The following TRIP12 variants were observed in gnomAD, a reference collection of about 807,000 sequenced individuals.
The protein encoded by TRIP12 is E3 ubiquitin-protein ligase TRIP12.
TRIP12 carries 25 observed loss-of-function variants against 244.2 expected under a neutral mutation model. The ratio of observed to expected loss-of-function variants is 0.10; its 90% CI spans 0.07 to 0.14. TRIP12 has a LOEUF of 0.14. Among genes scored for constraint, TRIP12 ranks in the 10% least tolerant of loss-of-function variants. TRIP12 has a pLI of 1.00. For missense variants in TRIP12, 1,677 were observed against 2,486.4 expected (o/e 0.67, Z 6.92); for synonymous variants, 905 against 873.1 (o/e 1.04, Z -0.64).
At chr2:229,825,629 G>A (rs1475403896) in intron 8 of TRIP12, among the ~76,000 whole-genome samples, 1 of 152,162 alleles carries the variant, frequency 6.6e-6, no homozygotes, top group Non-Finnish European at 1.5e-5. Context: ...CGGATCTAGT[G>A]AGAACTCACT....
intron 8 of TRIP12, among the ~76,000 whole-genome samples, chr2:229,827,049 G>A (rs2051848803): frequency 6.6e-6 from 1 of 152,086 alleles, no homozygotes. Context: ...GGGAGGCTGA[G>A]GCAGGCAGAT....
In TRIP12 at chr2:229,918,264, T is replaced by C. The variant is rs1284922469; in HGVS notation, c.-50+3616A>G. 2.6e-5 allele frequency among the ~76,000 whole-genome samples: 4 copies of C among 152,346 alleles called. No homozygotes were observed. The East Asian group carries it at 5.8e-4, about 22-fold the overall frequency. On this transcript the variant is annotated intron_variant, in intron 1 of 41. Coordinates refer to ENST00000675903, the MANE Select transcript of TRIP12 (RefSeq NM_001348323.3). ...TTGATTTAAATGAGGGAAAAGTCCA[T>C]GTCAAACAGGCAATTGCAAGGAATG...
Position 229,870,442 on chromosome 2 carries a change from G to A in TRIP12, c.98+9540C>T, listed in dbSNP as rs1369552042. Among the ~76,000 whole-genome samples the A allele has an allele frequency of 2.8e-4, 43 of 152,214 alleles. 1 individual carries two copies. Among genetic ancestry groups the A allele is most frequent in the Admixed American group, 2.8e-3 (43 of 15,278 alleles). ...CAGATGAACAGAGAGGAGGCAGCCAGACAGATACTGAGTCTGTAGTTCCCG... is the reference window on the plus strand; with the variant it reads ...CAGATGAACAGAGAGGAGGCAGCCAAACAGATACTGAGTCTGTAGTTCCCG... On this transcript the variant is annotated intron_variant, in intron 2 of 41. Coordinates refer to ENST00000675903, the MANE Select transcript of TRIP12 (RefSeq NM_001348323.3).
chr2:229,784,490 T>C (rs2039365320), intron 34 of TRIP12, among the ~76,000 whole-genome samples: 1 of 147,868 alleles, frequency 6.8e-6, no homozygotes, highest in Non-Finnish European at 1.5e-5. Flanking sequence ...AAAGATTTCT[T>C]AGGATGCAAA....
chr2:229,874,747 ATC>A (rs2063294352), intron 2 of TRIP12, among the ~76,000 whole-genome samples: 2 of 152,220 alleles, frequency 1.3e-5, no homozygotes, highest in Admixed American at 6.5e-5. Flanking sequence ...AACCATGGTT[ATC>A]TCTGAGTGGT....
intron 34 of TRIP12, among the ~76,000 whole-genome samples, chr2:229,784,260 A>G (rs2154252013): frequency 6.6e-6 from 1 of 151,824 alleles, no homozygotes; most frequent in Admixed American, 6.6e-5. Context: ...ACAATCAACC[A>G]GTTTCCCACA....
chr2:229,807,135 T>A (rs2046084709), intron 17 of TRIP12, among the ~76,000 whole-genome samples: 1 of 152,258 alleles, frequency 6.6e-6, no homozygotes, highest in African/African-American at 2.4e-5. Context: ...ATTATTCATA[T>A]GTTCACTTAT....
chr2:229,890,397 G>C (rs919118172), intron 1 of TRIP12, among the ~76,000 whole-genome samples: 1 of 152,114 alleles, frequency 6.6e-6, no homozygotes, highest in East Asian at 1.9e-4. Context: ...ACCACACCCA[G>C]CCTACAGAGG....
At chr2:229,840,321 G>T (rs1173184668) in intron 5 of TRIP12, among the ~76,000 whole-genome samples, 2 of 152,134 alleles carry the variant, frequency 1.3e-5, no homozygotes, top group Non-Finnish European at 1.5e-5. Flanking sequence ...GTAGAAACAT[G>T]TAAATAAATA....
At chr2:229,841,439 T>A (rs1324741538) in intron 4 of TRIP12, among the ~76,000 whole-genome samples, 1 of 152,200 alleles carries the variant, frequency 6.6e-6, no homozygotes, top group African/African-American at 2.4e-5. Flanking sequence ...GACTGATTTA[T>A]AAAATACTGG....
chr2:229,901,293 T>C (rs1020921585), intron 1 of TRIP12, among the ~76,000 whole-genome samples: 1 of 152,044 alleles, frequency 6.6e-6, no homozygotes, highest in South Asian at 2.1e-4. Context: ...CCTTCAAAAG[T>C]ATTACATAAT....
At chr2:229,872,775 T>A (rs371011546) in intron 2 of TRIP12, among the ~76,000 whole-genome samples, 1 of 152,194 alleles carries the variant, frequency 6.6e-6, no homozygotes, top group South Asian at 2.1e-4. Flanking sequence ...AGTATCCCTA[T>A]AAACTTACAG....
intron 2 of TRIP12, among the ~76,000 whole-genome samples, chr2:229,878,776 G>A (rs573458006): frequency 6.6e-6 from 1 of 151,818 alleles, no homozygotes; most frequent in South Asian, 2.1e-4. Context: ...TAGAGACGGG[G>A]TTTCACCATG....
In TRIP12 at chr2:229,895,039, T is replaced by C. The variant is rs557010511; in HGVS notation, c.-49-14911A>G. On this transcript the variant is annotated intron_variant, in intron 1 of 41. Transcript: ENST00000675903. ...TAACACTCAAGTAAACAAGGCATCA[T>C]GAATAAAAACCTGCAAAAAGACACA... is the stretch of plus-strand genomic sequence containing the variant. 1.4e-4 allele frequency among the ~76,000 whole-genome samples: 21 copies of C among 152,172 alleles called. No homozygotes were observed. In the South Asian group the frequency reaches 4.1e-3, roughly 30 times the overall value.
At chr2:229,774,031 A>G in intron 38 of TRIP12, 66 bp downstream of exon 38, 2 of 1,535,560 alleles carry the variant, frequency 1.3e-6, no homozygotes, top group Non-Finnish European at 1.8e-6. Context: ...GCCAGAAGCA[A>G]GGTACAATCA....
At position 229,805,748 on chromosome 2, in the gene TRIP12, A is replaced by G; in HGVS notation, c.2632T>C (p.Leu878=). The G allele has an allele frequency of 6.3e-7, 1 of 1,599,124 alleles. No homozygotes were observed. The highest frequency in any genetic ancestry group is 1.3e-5 in the African/African-American group (1 of 74,868). Residue 878 remains leucine, a synonymous_variant, in exon 18 of 42, where the codon TTA becomes CTA. Coordinates refer to ENST00000675903, the MANE Select transcript of TRIP12 (RefSeq NM_001348323.3). ...ARAIQRKPNP[L]ANSNTSGYSE... is the part of the protein sequence containing the mutation. ...TACTTACTAGTGTTACTATTGGCTAACGGGTTAGGTTTTCTCTGAATGGCA... is the reference window on the plus strand; with the variant it reads ...TACTTACTAGTGTTACTATTGGCTAGCGGGTTAGGTTTTCTCTGAATGGCA...
intron 1 of TRIP12, among the ~76,000 whole-genome samples, chr2:229,904,416 C>CA (rs34224407): frequency 0.69 from 60,611 of 87,700 alleles, 19,684 homozygotes; most frequent in South Asian, 0.8. Context: ...ACTCCATCTC[C>CA]AAAAAAAAAA....
chr2:229,795,058 T>A lies in TRIP12; in HGVS notation c.3968+121A>T. On this transcript the variant is annotated intron_variant, in intron 26 of 41. Coordinates refer to ENST00000675903, the MANE Select transcript of TRIP12 (RefSeq NM_001348323.3). ...TCTTTAGAGTGCTTAATTTCTTTCATCATTACAGCTGAATGTTTTCTGGGC... is the reference window on the plus strand; with the variant it reads ...TCTTTAGAGTGCTTAATTTCTTTCAACATTACAGCTGAATGTTTTCTGGGC... 12 of 1,186,230 alleles carry A rather than the reference T, an allele frequency of 1.0e-5. No homozygotes were observed. The South Asian group carries it at 2.0e-4, about 20-fold the overall frequency. The allele number at this position is 1,186,230 out of a possible 1,614,324, so 73.5% of individuals were successfully genotyped here.
intron 2 of TRIP12, among the ~76,000 whole-genome samples, chr2:229,871,107 G>A (rs1398847425): frequency 6.7e-6 from 1 of 150,366 alleles, no homozygotes; most frequent in Admixed American, 6.6e-5. Context: ...CTGAGAGACA[G>A]AGGTTGCAGT....
Sources: allele counts gnomAD v4.1 joint callset (sites outside exome capture counted in the v4.1 genomes callset), GRCh38; gene constraint gnomAD v4.1.1; transcripts MANE v1.5; gene names NCBI Gene and HGNC (gene_info 2026-07-23, HGNC 2026-07-21).